KLC1: variants seen among roughly 807,000 people sequenced by gnomAD.
KLC1 encodes the protein kinesin light chain 1.
Under a neutral mutation model 84.2 loss-of-function variants are expected in KLC1, and 30 were observed. That is an observed-to-expected ratio of 0.36 (90% confidence interval 0.27 to 0.48). The LOEUF (loss-of-function observed/expected upper bound fraction) is 0.48, where lower values mean the gene tolerates loss of function less well. KLC1 is among the 20% of genes least tolerant of loss of function. KLC1 has a pLI of 0.99. For synonymous variants in KLC1, 289 were observed against 293.3 expected (o/e 0.99, Z 0.15); for missense variants, 499 against 805.4 (o/e 0.62, Z 4.60).
At chr14:103,696,720 C>G (rs1263765478) in intron 15 of KLC1, 1 of 985,314 alleles carries the variant, frequency 1.0e-6, no homozygotes, top group African/African-American at 1.7e-5. Context: ...TTCCCCAACT[C>G]TGTGGGGAAG....
intron 13 of KLC1, chr14:103,686,032 C>T (rs45518637): frequency 2.2e-5 from 23 of 1,052,868 alleles, no homozygotes; most frequent in Non-Finnish European, 2.6e-5. Flanking sequence ...GCATGTGCCG[C>T]ACGTGCTCCG....
At chr14:103,691,669 G>A (rs143066564) in intron 14 of KLC1, among the ~76,000 whole-genome samples, 98 of 151,254 alleles carry the variant, frequency 6.5e-4, no homozygotes, top group African/African-American at 1.9e-3. Context: ...GGGTTTCACC[G>A]TGTTGCTCAG....
chr14:103,683,480 T>C (rs1420165809), intron 13 of KLC1: 1 of 152,230 alleles, frequency 6.6e-6, no homozygotes, highest in Non-Finnish European at 1.5e-5. Context: ...AACTGGGTCT[T>C]CTATAACTGC....
rs2082266697 is a variant in KLC1, at chr14:103,693,900, T to C, written c.1848+1475T>C. 1 of 1,306,252 alleles carries C rather than the reference T, an allele frequency of 7.7e-7. No individual in the cohort carries two copies. The highest frequency in any genetic ancestry group is 1.5e-5 in the African/African-American group (1 of 66,486). The allele number at this position is 1,306,252 out of a possible 1,614,324, so 80.9% of individuals were successfully genotyped here. On this transcript the variant is annotated intron_variant, in intron 15 of 16. Transcript: ENST00000334553. The surrounding 1 kb of genome is among the most constrained non-coding windows in gnomAD (Gnocchi z 5.1). ...TGGCGCTGAGGTGGCTTCAGCACGC[T>C]GGGGATTGGCTCCTGCTCACGGATG...
chr14:103,676,256 T>G (rs530928753), intron 11 of KLC1, among the ~76,000 whole-genome samples: 5 of 152,246 alleles, frequency 3.3e-5, no homozygotes, highest in African/African-American at 9.6e-5. Context: ...CTCACCTGTT[T>G]GGCTGTCTTT....
intron 1 of KLC1, among the ~76,000 whole-genome samples, chr14:103,635,900 A>G (rs1314904354): frequency 1.3e-5 from 2 of 152,200 alleles, no homozygotes; most frequent in Non-Finnish European, 2.9e-5. Flanking sequence ...TTCGCGGTAT[A>G]AGCTTTGAAT....
chr14:103,697,341 G>GC (rs1041507702), intron 15 of KLC1, among the ~76,000 whole-genome samples: 37 of 152,048 alleles, frequency 2.4e-4, no homozygotes, highest in African/African-American at 8.4e-4. Context: ...TATGGCCCCA[G>GC]CCCTTACCTT....
chr14:103,698,315 T>G, intron 15 of KLC1: 1 of 182,616 alleles, frequency 5.5e-6, no homozygotes, highest in Non-Finnish European at 1.2e-5. Context: ...GCAGCCCCAC[T>G]GTGGCCTGAG....
intron 1 of KLC1, among the ~76,000 whole-genome samples, chr14:103,634,058 A>G (rs1169360851): frequency 6.6e-6 from 1 of 151,980 alleles, no homozygotes; most frequent in African/African-American, 2.4e-5. Context: ...TAGTAGAGAC[A>G]GGATTTCACC....
intron 13 of KLC1, among the ~76,000 whole-genome samples, chr14:103,681,986 C>A (rs140400130): frequency 2.3e-4 from 35 of 152,276 alleles, no homozygotes; most frequent in Middle Eastern, 3.4e-3. Context: ...CAAACCGTTA[C>A]CACTGTAGCC....
rs61360486 is a variant in KLC1, at chr14:103,649,985, G to A, written c.-1-4579G>A. On this transcript the variant is annotated intron_variant, in intron 1 of 16. Coordinates refer to ENST00000334553, the MANE Select transcript of KLC1 (RefSeq NM_001394837.1). The stretch of plus-strand genomic sequence containing the variant: ...GCTGGGATTACAGGCGTGAGCCACC[G>A]TGCCCGGCAGCTTCTTGTGTTTTGG... 0.011 allele frequency among the ~76,000 whole-genome samples: 1,709 copies of A among 152,246 alleles called. 144 individuals carry two copies. The East Asian group carries it at 0.23, about 20-fold the overall frequency.
In KLC1 at chr14:103,654,629, A is replaced by T. The variant is rs1392330034; in HGVS notation, c.65A>T (p.Asp22Val). The change falls in exon 2 of 17, where the codon GAT becomes GTT. Residue 22 changes from aspartate (D) to valine (V), a missense_variant. Coordinates refer to ENST00000334553, the MANE Select transcript of KLC1 (RefSeq NM_001394837.1). ...GACAAGTTGGAGAAGCTTACACAGG[A>T]TGAAATTATTTCTAAGACAAAGCAA... ...KEDKLEKLTQ[D>V]EIISKTKQVI... 7 of 1,614,030 alleles carry T rather than the reference A, an allele frequency of 4.3e-6. No homozygotes were observed. The highest frequency in any genetic ancestry group is 5.9e-6 in the Non-Finnish European group (7 of 1,179,962).
At chr14:103,699,407 T>C (rs575587037) in intron 15 of KLC1, 2 of 1,612,282 alleles carry the variant, frequency 1.2e-6, no homozygotes, top group South Asian at 2.2e-5. Flanking sequence ...ACTGCTCAGC[T>C]CACGCAGCGT....
At chr14:103,634,549 G>A (rs1349431946) in intron 1 of KLC1, among the ~76,000 whole-genome samples, 3 of 152,106 alleles carry the variant, frequency 2.0e-5, no homozygotes, top group Admixed American at 6.6e-5. Context: ...GCATCATATC[G>A]TTGAGCCAGT....
In KLC1 at chr14:103,692,367, G is replaced by A. The variant is rs1035982785; in HGVS notation, c.1790G>A (p.Arg597His). The part of the protein sequence containing the change: ...ESEPKNPGMK[R>H]ASSLNVLNVG... ...CCGTGTCCGGGTTGCAGCATGAAGC[G>A]TGCCAGCTCTCTGAATGTCCTTAAC... is the stretch of plus-strand genomic sequence containing the variant. The change falls in exon 15 of 17, where the codon CGT becomes CAT. Residue 597 changes from arginine (R) to histidine (H), a missense_variant. Coordinates refer to ENST00000334553, the MANE Select transcript of KLC1 (RefSeq NM_001394837.1). 9 of 1,536,566 alleles carry A rather than the reference G, an allele frequency of 5.9e-6. No individual in the cohort carries two copies. The highest frequency in any genetic ancestry group is 4.9e-5 in the East Asian group (2 of 40,920).
chr14:103,667,606 G>A (rs1175935282), intron 5 of KLC1, among the ~76,000 whole-genome samples: 2 of 152,182 alleles, frequency 1.3e-5, no homozygotes, highest in East Asian at 3.8e-4. Flanking sequence ...AAAGTGCTAG[G>A]ATTGCAGGTG....
At chr14:103,630,210 A>G (rs2076571186) in intron 1 of KLC1, among the ~76,000 whole-genome samples, 1 of 152,248 alleles carries the variant, frequency 6.6e-6, no homozygotes, top group East Asian at 1.9e-4. Flanking sequence ...TTTTCCATGT[A>G]AAATTGGGTG....
At chr14:103,659,835 C>T (rs933910828) in intron 3 of KLC1, among the ~76,000 whole-genome samples, 3 of 152,048 alleles carry the variant, frequency 2.0e-5, no homozygotes, top group African/African-American at 7.2e-5. Context: ...TCTGGAAGTC[C>T]GAGATCAGGG....
rs550388098 is a variant in KLC1 at position 103,631,171 on chromosome 14, C to T, written c.-2+1677C>T. On this transcript the variant is annotated intron_variant, in intron 1 of 16. Coordinates refer to ENST00000334553, the MANE Select transcript of KLC1 (RefSeq NM_001394837.1). ...TCTCGGCTCACTGCAAGCTCCGCCT[C>T]CCGGGTTCACGCCATTCTCCTGCCT... 2.8e-4 allele frequency among the ~76,000 whole-genome samples: 43 copies of T among 152,026 alleles called. 1 individual carries two copies. The highest frequency in any genetic ancestry group is 9.6e-4 in the African/African-American group (40 of 41,468).
Sources: allele counts gnomAD v4.1 joint callset (sites outside exome capture counted in the v4.1 genomes callset), GRCh38; gene constraint gnomAD v4.1.1; non-coding constraint Gnocchi (gnomAD v3.1); transcripts MANE v1.5; gene names NCBI Gene and HGNC (gene_info 2026-07-23, HGNC 2026-07-21).